Variants in SYTL4 observed in about 807,000 individuals in gnomAD.
The protein encoded by SYTL4 is synaptotagmin-like protein 4.
SYTL4 carries 16 observed loss-of-function variants against 52.7 expected under a neutral mutation model. The ratio of observed to expected loss-of-function variants is 0.30; its 90% CI spans 0.21 to 0.46. The LOEUF (loss-of-function observed/expected upper bound fraction) is 0.46. Ranked by LOEUF, SYTL4 falls within the 20% of genes least tolerant of loss-of-function variation. The pLI is 1.00. For synonymous variants in SYTL4, 160 were observed against 186.6 expected, an observed-to-expected ratio of 0.86 and a Z score of 1.16; for missense variants, 423 against 519.9, an observed-to-expected ratio of 0.81 and a Z score of 1.81.
intron 8 of SYTL4, among the ~76,000 whole-genome samples, chrX:100,698,183 A>C (rs912889841): frequency 1.8e-5 from 2 of 110,446 alleles, no homozygotes; most frequent in Non-Finnish European, 3.8e-5. Context: ...GCTCAGTGCA[A>C]GCTCCGCCTC....
At chrX:100,696,737 C>T (rs1031401241) in intron 8 of SYTL4, among the ~76,000 whole-genome samples, 7 of 111,551 alleles carry the variant, frequency 6.3e-5, no homozygotes, top group Admixed American at 5.7e-4. Context: ...AGTCCATATG[C>T]CAAAACTATT....
At chrX:100,706,673 G>A (rs1017674623) in intron 2 of SYTL4, among the ~76,000 whole-genome samples, 4 of 112,279 alleles carry the variant, frequency 3.6e-5, no homozygotes, top group African/African-American at 1.3e-4. Flanking sequence ...ACTCATATAT[G>A]AGCAAAATTC....
intron 19 of SYTL4, among the ~76,000 whole-genome samples, chrX:100,676,754 G>A (rs908931672): frequency 2.7e-5 from 3 of 111,432 alleles, no homozygotes; most frequent in Admixed American, 9.5e-5. Context: ...CAAAGTGCTG[G>A]GATTACAGGT....
intron 2 of SYTL4, among the ~76,000 whole-genome samples, chrX:100,724,349 C>T (rs1351165804): frequency 4.8e-5 from 5 of 104,495 alleles, no homozygotes; most frequent in African/African-American, 1.8e-4. Flanking sequence ...TCTGCCCGGC[C>T]ACCACCCCGT....
chrX:100,730,893 T>A (rs1399805449), intron 2 of SYTL4, among the ~76,000 whole-genome samples: 1 of 103,674 alleles, frequency 9.6e-6, no homozygotes, highest in African/African-American at 3.6e-5. Context: ...AAGTCATTAA[T>A]ACCTCAATAT....
In SYTL4 at chrX:100,731,997, G is replaced by T. The variant is rs2084658681; in HGVS notation, c.-328+7C>A. The T allele has an allele frequency of 8.9e-6, 1 of 111,820 alleles. No individual in the cohort carries two copies. Among genetic ancestry groups the T allele is most frequent in the African/African-American group, 3.2e-5 (1 of 30,800 alleles). The allele number at this position is 111,820 out of a possible 1,213,427, so 9.2% of individuals were successfully genotyped here. A position where few individuals can be genotyped will look rare whatever the true frequency, so the allele number is the denominator to read the frequency against. On this transcript the variant is annotated splice_region_variant and intron_variant, in intron 1 of 19. Transcript: ENST00000372989. Reference sequence around the variant, plus strand: ...GGCGAGGGGCCGGCCGCTGGCTGTTGACCTACCTGTCACTTGCAACAGGTG... The same window carrying T: ...GGCGAGGGGCCGGCCGCTGGCTGTTTACCTACCTGTCACTTGCAACAGGTG...
At chrX:100,726,836 T>C (rs770093988) in intron 2 of SYTL4, among the ~76,000 whole-genome samples, 3 of 111,273 alleles carry the variant, frequency 2.7e-5, no homozygotes, top group Non-Finnish European at 5.7e-5. Flanking sequence ...TTGTTACATA[T>C]GCAGTGGTTA....
At chrX:100,680,510 C>T (rs1297218416) in intron 17 of SYTL4, among the ~76,000 whole-genome samples, 1 of 110,834 alleles carries the variant, frequency 9.0e-6, no homozygotes, top group Non-Finnish European at 1.9e-5. Context: ...TGTCCAACTC[C>T]AGCCCCACAC....
intron 3 of SYTL4, among the ~76,000 whole-genome samples, chrX:100,703,847 T>C (rs2083904421): frequency 8.9e-6 from 1 of 112,292 alleles, no homozygotes; most frequent in Non-Finnish European, 1.9e-5. Context: ...AAAAATGATC[T>C]TTTATAAAGA....
At position 100,693,562 on chromosome X, in the gene SYTL4, A is replaced by T. The variant is rs776099901; in HGVS notation, c.540-2353T>A. Among the ~76,000 whole-genome samples, 7 of 112,202 alleles carry T rather than the reference A, an allele frequency of 6.2e-5. No homozygotes were observed. The Admixed American group carries it at 6.6e-4, about 11-fold the overall frequency. ...CATCATGTAGCTCTTGGATGGTTGC[A>T]GTAGCCTCCTAACTAATCCTGCTTC... On this transcript the variant is annotated intron_variant, in intron 8 of 19. Transcript: ENST00000372989.
intron 8 of SYTL4, among the ~76,000 whole-genome samples, chrX:100,699,498 T>A (rs1193226419): frequency 2.7e-5 from 2 of 74,242 alleles, no homozygotes; most frequent in Non-Finnish European, 5.2e-5. Flanking sequence ...TTTTTTTTTT[T>A]TTTTTTTTTG....
At chrX:100,682,325 G>A (rs1411198729) in intron 16 of SYTL4, among the ~76,000 whole-genome samples, 1 of 110,395 alleles carries the variant, frequency 9.1e-6, no homozygotes, top group Non-Finnish European at 1.9e-5. Context: ...CTTTTAATGA[G>A]AATAGTATAT....
At position 100,686,789 on chromosome X, in the gene SYTL4, C is replaced by G; in HGVS notation, c.1185-8G>C. 8.4e-7 allele frequency: 1 copy of G among 1,186,498 alleles called. No individual in the cohort carries two copies. Among genetic ancestry groups the G allele is most frequent in the Non-Finnish European group, 1.1e-6 (1 of 873,007 alleles). On this transcript the variant is annotated splice_polypyrimidine_tract_variant and splice_region_variant and intron_variant, in intron 14 of 19. Transcript: ENST00000372989. Reference sequence around the variant, plus strand: ...AGGTAAGTCTTCACATATCTAGAAACCAAAGACAGCACTGAGTAATTTGCT... The same window carrying G: ...AGGTAAGTCTTCACATATCTAGAAAGCAAAGACAGCACTGAGTAATTTGCT...
In SYTL4 at chrX:100,686,672, T is replaced by C; in HGVS notation, c.1287+7A>G. On this transcript the variant is annotated splice_region_variant and intron_variant, in intron 15 of 19. Transcript: ENST00000372989. ...AGTTCTCCTACCCTTGAGGTCTAGA[T>C]ACTTACCCTCAGCGTCTCATCATAT... The C allele has an allele frequency of 1.2e-5, 14 of 1,178,567 alleles. No individual in the cohort carries two copies. The highest frequency in any genetic ancestry group is 1.6e-5 in the Non-Finnish European group (14 of 865,605).
intron 8 of SYTL4, among the ~76,000 whole-genome samples, chrX:100,697,773 G>C (rs1260362054): frequency 9.0e-6 from 1 of 111,372 alleles, no homozygotes. Flanking sequence ...GGAAGGGAGG[G>C]GAAAAGGGGT....
intron 4 of SYTL4, 115 bp from the exon 5 acceptor site, chrX:100,702,222 A>G: frequency 7.6e-6 from 3 of 397,250 alleles, no homozygotes; most frequent in Non-Finnish European, 1.3e-5. Flanking sequence ...GAGACAAAGT[A>G]GAAGTATCTG....
At chrX:100,717,665 T>C (rs1342016314) in intron 2 of SYTL4, among the ~76,000 whole-genome samples, 3 of 112,387 alleles carry the variant, frequency 2.7e-5, no homozygotes, top group African/African-American at 9.7e-5. Flanking sequence ...AAGGACTTGT[T>C]AGGGCACACT....
At chrX:100,676,508 C>T (rs2083279990) in intron 19 of SYTL4, among the ~76,000 whole-genome samples, 1 of 111,559 alleles carries the variant, frequency 9.0e-6, no homozygotes, top group Non-Finnish European at 1.9e-5. Flanking sequence ...TAATTTGAGA[C>T]GGAGCCTCGC....
rs762530693 is a variant in SYTL4 at position 100,731,520 on chromosome X, C to T, written c.-327-15G>A. Reference sequence around the variant, plus strand: ...ACGGCCGAGCGCTGTGAGAGGAACCCACGAAAAGGTGACTGGACGCCTTGG... The same window carrying T: ...ACGGCCGAGCGCTGTGAGAGGAACCTACGAAAAGGTGACTGGACGCCTTGG... On this transcript the variant is annotated splice_polypyrimidine_tract_variant and intron_variant, in intron 1 of 19. Coordinates refer to ENST00000372989, the MANE Select transcript of SYTL4 (RefSeq NM_001370165.1). 2 of 112,554 alleles carry T rather than the reference C, an allele frequency of 1.8e-5. No homozygotes were observed. Among genetic ancestry groups the T allele is most frequent in the Non-Finnish European group, 3.8e-5 (2 of 53,251 alleles). 9.3% of individuals were successfully genotyped at this position (112,554 alleles called of 1,213,427 possible).
Sources: gnomAD v4.1 joint callset for allele counts (sites outside exome capture counted in the v4.1 genomes callset) on GRCh38, gnomAD v4.1.1 for gene constraint, MANE v1.5 for transcripts, NCBI Gene and HGNC (gene_info 2026-07-23, HGNC 2026-07-21) for gene names.